The following SLC25A47 variants were observed in gnomAD, a reference collection of about 807,000 sequenced individuals.
The protein encoded by SLC25A47 is solute carrier family 25 member 47, also known as HCC-down-regulated mitochondrial carrier protein.
A neutral mutation model predicts 29.8 loss-of-function variants in SLC25A47; 30 were observed. That is an observed-to-expected ratio of 1.01 (90% confidence interval 0.75 to 1.36). The LOEUF is 1.36. Ranked by LOEUF, SLC25A47 falls within the 40% of genes most tolerant of loss-of-function variation. SLC25A47 has a pLI of 0.00. For synonymous variants in SLC25A47, 204 were observed against 197.8 expected (o/e 1.03, Z -0.26); for missense variants, 430 against 441.9 (o/e 0.97, Z 0.24).
Position 100,328,983 on chromosome 14 carries a change from C to A in SLC25A47, c.585C>A (p.Thr195=). Residue 195 remains threonine, a synonymous_variant, in exon 5 of 6, where the codon ACC becomes ACA. Coordinates refer to ENST00000361529, the MANE Select transcript of SLC25A47 (RefSeq NM_207117.4). ...TACGGGACGGCCACTCCTTTGCCAC[C>A]TACTTCCTTTCCTACGCGGTCCTCT... ...LVLRDGHSFA[T]YFLSYAVLCE... is the part of the protein sequence containing the mutation. The A allele has an allele frequency of 6.2e-7, 1 of 1,601,766 alleles. No homozygotes were observed.
In SLC25A47 at chr14:100,329,841, G is replaced by C; in HGVS notation, c.*196G>C. ...CTACTGACCTCAGGTCGAGGGGCCCGCCAGCCATCAGCCAGGGTTGGCCTA... is the reference window on the plus strand; with the variant it reads ...CTACTGACCTCAGGTCGAGGGGCCCCCCAGCCATCAGCCAGGGTTGGCCTA... On this transcript the variant is annotated 3_prime_UTR_variant, in exon 6 of 6. Transcript: ENST00000361529. 2.7e-6 allele frequency: 2 copies of C among 753,038 alleles called. No homozygotes were observed. Among genetic ancestry groups the C allele is most frequent in the Non-Finnish European group, 4.2e-6 (2 of 480,238 alleles). The allele number at this position is 753,038 out of a possible 1,614,324, so 46.6% of individuals were successfully genotyped here.
rs371727043 is a variant in SLC25A47 at position 100,327,291 on chromosome 14, G to C, written c.248G>C (p.Arg83Pro). 6.2e-7 allele frequency: 1 copy of C among 1,605,670 alleles called. No individual in the cohort carries two copies. The highest frequency in any genetic ancestry group is 1.7e-5 in the Admixed American group (1 of 60,016). Residue 83 changes from arginine (R) to proline (P), a missense_variant, in exon 4 of 6, where the codon CGG becomes CCG. Coordinates refer to ENST00000361529, the MANE Select transcript of SLC25A47 (RefSeq NM_207117.4). ...TYRHCLAHIC[R>P]LRYGNPDAKP... ...CGCCACTGCCTGGCGCACATCTGCC[G>C]GCTCCGGTACGGCAACCCTGACGCC...
chr14:100,326,147 TCTC>T lies in SLC25A47; in HGVS notation c.73-7_73-5del. 1 of 1,612,286 alleles carries T rather than the reference TCTC, an allele frequency of 6.2e-7. No homozygotes were observed. Among genetic ancestry groups the T allele is most frequent in the East Asian group, 2.2e-5 (1 of 44,852 alleles). Reference sequence around the variant, plus strand: ...GAGCCGCTCGTGCCTGAAGCCCACTTCTCCTGCAGGTCAGGATCCAGACGGAGC... The same window carrying T: ...GAGCCGCTCGTGCCTGAAGCCCACTTCTGCAGGTCAGGATCCAGACGGAGC... On this transcript the variant is annotated splice_polypyrimidine_tract_variant and splice_region_variant and intron_variant, in intron 2 of 5. Transcript: ENST00000361529.
chr14:100,325,397 G>C (rs187760944), intron 1 of SLC25A47, among the ~76,000 whole-genome samples: 18 of 152,188 alleles, frequency 1.2e-4, no homozygotes, highest in African/African-American at 4.1e-4. Flanking sequence ...ATGGGCTGAC[G>C]GCTTGAGGGC....
intron 5 of SLC25A47, 105 bp downstream of exon 5, chr14:100,329,149 CCTCCTGCCTCCCAGAGTGGG>C (rs1195631124): frequency 7.5e-7 from 1 of 1,337,494 alleles, no homozygotes; most frequent in African/African-American, 1.5e-5. Flanking sequence ...TTGAACTTGG[CCTCCTGCCTCCCAGAGTGGG>C]CTCCTCAGTT....
chr14:100,325,115 C>G (rs1893313056), intron 1 of SLC25A47, among the ~76,000 whole-genome samples: 1 of 152,180 alleles, frequency 6.6e-6, no homozygotes, highest in Non-Finnish European at 1.5e-5. Context: ...AATGGTCCTC[C>G]CAGGGACCAC....
chr14:100,329,532 C>G lies in SLC25A47; in HGVS notation c.814C>G (p.Arg272Gly). The change falls in exon 6 of 6, where the codon CGG (arginine) becomes GGG (glycine). Residue 272 changes from arginine to glycine, a missense_variant. Physicochemically the swap from Arg to Gly is moderately radical, Grantham distance 125. Transcript: ENST00000361529. ...GACCAGCGTTCGAGAGGAGGGACCC[C>G]GGGTCCTTTTCAAGGGGCTGGTACT... Reference protein sequence around the residue: ...MVTSVREEGPRVLFKGLVLNC... With the variant: ...MVTSVREEGPGVLFKGLVLNC... 6.2e-7 allele frequency: 1 copy of G among 1,613,562 alleles called. No homozygotes were observed. The highest frequency in any genetic ancestry group is 8.5e-7 in the Non-Finnish European group (1 of 1,180,012).
rs978289874 is a variant in SLC25A47 at position 100,327,314 on chromosome 14, G to A, written c.271G>A (p.Ala91Thr). Residue 91 changes from alanine (A) to threonine (T), a missense_variant, in exon 4 of 6, where the codon GCC (alanine) becomes ACC (threonine). Physicochemically the swap from Ala to Thr is moderately conservative, Grantham distance 58 (BLOSUM62 0). Coordinates refer to ENST00000361529, the MANE Select transcript of SLC25A47 (RefSeq NM_207117.4). ...ICRLRYGNPDAKPTKADITLS... is the reference protein window; with the variant it reads ...ICRLRYGNPDTKPTKADITLS... ...CCGGCTCCGGTACGGCAACCCTGAC[G>A]CCAAGCCCACCAAGGCCGACATCAC... 2.0e-5 allele frequency: 32 copies of A among 1,603,176 alleles called. No individual in the cohort carries two copies. The highest frequency in any genetic ancestry group is 4.0e-5 in the African/African-American group (3 of 74,922).
Position 100,329,409 on chromosome 14 carries a change from G to T in SLC25A47, c.691G>T (p.Ala231Ser). ...GGCCGGGGGCTGTGCAGGAGTCCTG[G>T]CCTGGGCTGTGGCCACCCCCATGGA... is the stretch of plus-strand genomic sequence containing the variant. ...LVAGGCAGVLAWAVATPMDVI... is the reference protein window; with the variant it reads ...LVAGGCAGVLSWAVATPMDVI... Residue 231 changes from alanine to serine, a missense_variant, in exon 6 of 6, where the codon GCC (alanine) becomes TCC (serine). Coordinates refer to ENST00000361529, the MANE Select transcript of SLC25A47 (RefSeq NM_207117.4). 1 of 1,612,596 alleles carries T rather than the reference G, an allele frequency of 6.2e-7. No individual in the cohort carries two copies. Among genetic ancestry groups the T allele is most frequent in the Non-Finnish European group, 8.5e-7 (1 of 1,179,864 alleles).
chr14:100,326,905 C>T (rs748199115), intron 3 of SLC25A47, among the ~76,000 whole-genome samples: 24 of 151,966 alleles, frequency 1.6e-4, no homozygotes, highest in Non-Finnish European at 1.2e-4. Context: ...ACCTGGGATG[C>T]GGAGGTTGCA....
At chr14:100,323,503 T>C in intron 1 of SLC25A47, 61 bp downstream of exon 1, 1 of 1,599,598 alleles carries the variant, frequency 6.3e-7, no homozygotes, top group Non-Finnish European at 8.6e-7. Flanking sequence ...CAGGAGGAAC[T>C]GAGGTCCAGG....
rs549187317 is a variant in SLC25A47 at position 100,329,430 on chromosome 14, A to G, written c.712A>G (p.Met238Val). ...CCTGGCCTGGGCTGTGGCCACCCCC[A>G]TGGACGTGATCAAGTCGAGACTGCA... ...GVLAWAVATP[M>V]DVIKSRLQAD... Residue 238 changes from methionine to valine, a missense_variant, in exon 6 of 6, where the codon ATG becomes GTG. Coordinates refer to ENST00000361529, the MANE Select transcript of SLC25A47 (RefSeq NM_207117.4). 13 of 1,613,052 alleles carry G rather than the reference A, an allele frequency of 8.1e-6. No homozygotes were observed. In the East Asian group the frequency reaches 1.3e-4, roughly 17 times the overall value.
In SLC25A47 at chr14:100,329,674, C is replaced by G; in HGVS notation, c.*29C>G. 6.3e-7 allele frequency: 1 copy of G among 1,586,010 alleles called. No homozygotes were observed. The highest frequency in any genetic ancestry group is 8.6e-7 in the Non-Finnish European group (1 of 1,165,420). On this transcript the variant is annotated 3_prime_UTR_variant, in exon 6 of 6. Transcript: ENST00000361529. ...GTCCCCACGCCCAGCGGCCCACCCACCAGCAGCTGCTGGAGGTCGTAGTGG... is the reference window on the plus strand; with the variant it reads ...GTCCCCACGCCCAGCGGCCCACCCAGCAGCAGCTGCTGGAGGTCGTAGTGG...
intron 2 of SLC25A47, 144 bp from the exon 3 acceptor site, chr14:100,326,013 C>G (rs1893332938): frequency 5.2e-6 from 5 of 969,574 alleles, no homozygotes; most frequent in Admixed American, 2.4e-5. Flanking sequence ...GGTTTCTCGT[C>G]TAACACAAGG....
At position 100,328,821 on chromosome 14, in the gene SLC25A47, G is replaced by T. The variant is rs765285394; in HGVS notation, c.423G>T (p.Pro141=). Residue 141 remains proline, a synonymous_variant, in exon 5 of 6, where the codon CCG becomes CCT. Coordinates refer to ENST00000361529, the MANE Select transcript of SLC25A47 (RefSeq NM_207117.4). ...AGCGGCGGCTTTCGGCCTCGGGGCC[G>T]TTGGCTGTGCCCCCCATGTGTCCTG... ...KQQRRLSASG[P]LAVPPMCPVP... is the part of the protein sequence containing the mutation. The T allele has an allele frequency of 1.2e-6, 2 of 1,612,712 alleles. No individual in the cohort carries two copies. The highest frequency in any genetic ancestry group is 2.2e-5 in the East Asian group (1 of 44,882).
intron 5 of SLC25A47, 111 bp from the exon 6 acceptor site, chr14:100,329,254 C>A (rs760196070): frequency 2.9e-6 from 4 of 1,361,284 alleles, no homozygotes; most frequent in African/African-American, 2.9e-5. Flanking sequence ...GTCCCATTCC[C>A]CTCTCCCAAG....
At chr14:100,325,665 C>T in intron 1 of SLC25A47, 123 bp from the exon 2 acceptor site, 1 of 965,918 alleles carries the variant, frequency 1.0e-6, no homozygotes, top group Admixed American at 2.6e-5. Flanking sequence ...CCAGAAGGGC[C>T]AAATGTGGGT....
chr14:100,329,683 G>A lies in SLC25A47; in HGVS notation c.*38G>A. ...CCCAGCGGCCCACCCACCAGCAGCT[G>A]CTGGAGGTCGTAGTGGCTGGAGGAG... On this transcript the variant is annotated 3_prime_UTR_variant, in exon 6 of 6. Coordinates refer to ENST00000361529, the MANE Select transcript of SLC25A47 (RefSeq NM_207117.4). 6.3e-7 allele frequency: 1 copy of A among 1,580,042 alleles called. No homozygotes were observed. The highest frequency in any genetic ancestry group is 2.1e-4 in the Middle Eastern group (1 of 4,712).
chr14:100,329,586 A>C lies in SLC25A47; in HGVS notation c.868A>C (p.Met290Leu). 6.2e-7 allele frequency: 1 copy of C among 1,613,672 alleles called. No individual in the cohort carries two copies. The highest frequency in any genetic ancestry group is 2.2e-5 in the East Asian group (1 of 44,880). Residue 290 changes from methionine (M) to leucine (L), a missense_variant, in exon 6 of 6, where the codon ATG (methionine) becomes CTG (leucine). Transcript: ENST00000361529. ...LNCCRAFPVN[M>L]VVFVAYEAVL... Reference sequence around the variant, plus strand: ...TTGCTGCCGCGCCTTCCCTGTCAACATGGTGGTCTTCGTCGCCTATGAGGC... The same window carrying C: ...TTGCTGCCGCGCCTTCCCTGTCAACCTGGTGGTCTTCGTCGCCTATGAGGC...
Sources: gnomAD v4.1 joint callset for allele counts (sites outside exome capture counted in the v4.1 genomes callset) on GRCh38, gnomAD v4.1.1 for gene constraint, MANE v1.5 for transcripts, NCBI Gene and HGNC (gene_info 2026-07-23, HGNC 2026-07-21) for gene names.